Variants in MECOM observed in about 807,000 individuals in gnomAD.
The protein encoded by MECOM is histone-lysine N-methyltransferase MECOM.
In MECOM, 13 loss-of-function variants were observed where a neutral mutation model predicts 116.3. That is an observed-to-expected ratio of 0.11 (90% CI 0.07 to 0.18). The LOEUF is 0.18. Ranked by LOEUF, MECOM falls within the 10% of genes least tolerant of loss-of-function variation. MECOM has a pLI of 1.00. For synonymous variants in MECOM, 528 were observed against 535.2 expected (o/e 0.99, Z 0.19); for missense variants, 1,299 against 1,509.0 (o/e 0.86, Z 2.31).
At position 169,224,172 on chromosome 3, in the gene MECOM, T is replaced by G. The variant is rs529924982; in HGVS notation, c.376-80340A>C. Among the ~76,000 whole-genome samples, 24 of 152,148 alleles carry G rather than the reference T, an allele frequency of 1.6e-4. No homozygotes were observed. The South Asian group carries it at 4.8e-3, about 30-fold the overall frequency. ...AGAGAGAAAATAATCTGAGAGGAGA[T>G]AGAGAACGTCAGCTCCTGCTGGGCC... On this transcript the variant is annotated intron_variant, in intron 2 of 16. Coordinates refer to ENST00000651503, the MANE Select transcript of MECOM (RefSeq NM_004991.4).
At chr3:169,099,245 A>G (rs570106287) in intron 12 of MECOM, among the ~76,000 whole-genome samples, 7 of 152,316 alleles carry the variant, frequency 4.6e-5, no homozygotes, top group Admixed American at 1.3e-4. Flanking sequence ...GTGGAATAAA[A>G]CCATTGAAAT....
At chr3:169,457,634 TG>T (rs1746752832) in intron 1 of MECOM, among the ~76,000 whole-genome samples, 1 of 152,312 alleles carries the variant, frequency 6.6e-6, no homozygotes, top group African/African-American at 2.4e-5. Context: ...AGGATAAAAT[TG>T]AGACTATCAT....
chr3:169,138,163 G>A (rs1338035596), intron 3 of MECOM, among the ~76,000 whole-genome samples: 1 of 151,902 alleles, frequency 6.6e-6, no homozygotes, highest in Non-Finnish European at 1.5e-5. Context: ...ACTTTTATAT[G>A]CCCTCCCAGA....
At chr3:169,596,187 T>C (rs1391593073) in intron 1 of MECOM, among the ~76,000 whole-genome samples, 2 of 152,206 alleles carry the variant, frequency 1.3e-5, no homozygotes, top group African/African-American at 2.4e-5. Flanking sequence ...ATATTATACT[T>C]CCGAGAGATG....
chr3:169,398,620 C>T (rs1010027497), intron 1 of MECOM, among the ~76,000 whole-genome samples: 3 of 152,254 alleles, frequency 2.0e-5, no homozygotes, highest in South Asian at 2.1e-4. Context: ...CTCTGGAATG[C>T]GGCTTCCCTG....
chr3:169,093,538 A>G (rs1720487355), intron 13 of MECOM, among the ~76,000 whole-genome samples: 1 of 152,204 alleles, frequency 6.6e-6, no homozygotes, highest in South Asian at 2.1e-4. Flanking sequence ...ATGCTAAAGC[A>G]TATAACAAAA....
chr3:169,587,945 T>C (rs1765965551), intron 1 of MECOM, among the ~76,000 whole-genome samples: 1 of 152,186 alleles, frequency 6.6e-6, no homozygotes. Context: ...GATCCAGAAT[T>C]AGCCAGAAAT....
At chr3:169,098,556 G>A (rs985269469) in intron 12 of MECOM, among the ~76,000 whole-genome samples, 2 of 152,122 alleles carry the variant, frequency 1.3e-5, no homozygotes, top group Non-Finnish European at 2.9e-5. Flanking sequence ...ATTTGGATAA[G>A]GTAGTATCTG....
At chr3:169,476,415 T>G (rs968494814) in intron 1 of MECOM, among the ~76,000 whole-genome samples, 2 of 152,216 alleles carry the variant, frequency 1.3e-5, no homozygotes, top group Non-Finnish European at 2.9e-5. Flanking sequence ...CCATTACATT[T>G]TATTTGCAGA....
chr3:169,505,670 T>C (rs764891769), intron 1 of MECOM, among the ~76,000 whole-genome samples: 4 of 152,196 alleles, frequency 2.6e-5, no homozygotes, highest in Middle Eastern at 3.2e-3. Context: ...GTCCACTGGA[T>C]CTCCAGAACT....
chr3:169,655,353 ATCCATTCATTT>A (rs1775415141), intron 1 of MECOM, among the ~76,000 whole-genome samples: 1 of 152,212 alleles, frequency 6.6e-6, no homozygotes, highest in Non-Finnish European at 1.5e-5. Context: ...CTCTAGTCTA[ATCCATTCATTT>A]AAAGAGGAGC....
Position 169,084,731 on chromosome 3 carries a change from A to T in MECOM, c.*178T>A. On this transcript the variant is annotated 3_prime_UTR_variant, in exon 17 of 17. Transcript: ENST00000651503. ...TGTGCAAAACAAAATATCGAGAATA[A>T]ATAGTTTCTTTTTTCTTTCTTTTCT... The T allele has an allele frequency of 1.5e-6, 1 of 647,838 alleles. No homozygotes were observed. The highest frequency in any genetic ancestry group is 2.9e-5 in the East Asian group (1 of 33,932). 40.1% of individuals were successfully genotyped at this position (647,838 alleles called of 1,614,324 possible). A position where few individuals can be genotyped will look rare whatever the true frequency, so the allele number is the denominator to read the frequency against.
intron 2 of MECOM, among the ~76,000 whole-genome samples, chr3:169,368,925 G>A (rs1729625954): frequency 6.6e-6 from 1 of 151,984 alleles, no homozygotes. Context: ...CAATTTATAT[G>A]AGGTTTCCTA....
intron 1 of MECOM, among the ~76,000 whole-genome samples, chr3:169,402,179 A>C (rs765662352): frequency 2.0e-5 from 3 of 152,228 alleles, no homozygotes; most frequent in Non-Finnish European, 4.4e-5. Flanking sequence ...CAATGAGCTC[A>C]TATACTATGT....
intron 1 of MECOM, among the ~76,000 whole-genome samples, chr3:169,488,065 A>T (rs1012288481): frequency 6.6e-6 from 1 of 152,248 alleles, no homozygotes; most frequent in South Asian, 2.1e-4. Context: ...TGAAGCAAAA[A>T]TTGACAGCAT....
chr3:169,392,323 T>C (rs950653210), intron 1 of MECOM, among the ~76,000 whole-genome samples: 4 of 152,144 alleles, frequency 2.6e-5, no homozygotes, highest in Admixed American at 2.6e-4. Context: ...ACTTCACTAG[T>C]TTTGTGTGAA....
At chr3:169,537,792 AG>A (rs1346854104) in intron 1 of MECOM, among the ~76,000 whole-genome samples, 1 of 152,168 alleles carries the variant, frequency 6.6e-6, no homozygotes, top group Non-Finnish European at 1.5e-5. Context: ...TTAAAAACAA[AG>A]TAAAAAAATA....
chr3:169,594,825 T>C (rs1274092234), intron 1 of MECOM, among the ~76,000 whole-genome samples: 7 of 143,074 alleles, frequency 4.9e-5, no homozygotes, highest in Non-Finnish European at 9.0e-5. Context: ...GCAGGCCTAG[T>C]ATGGAACACA....
intron 2 of MECOM, among the ~76,000 whole-genome samples, chr3:169,336,092 C>T (rs1723550268): frequency 6.6e-6 from 1 of 152,012 alleles, no homozygotes; most frequent in Non-Finnish European, 1.5e-5. Context: ...TTTCTAATAT[C>T]ATTTTATATA....
Sources: allele counts gnomAD v4.1 joint callset (sites outside exome capture counted in the v4.1 genomes callset), GRCh38; gene constraint gnomAD v4.1.1; transcripts MANE v1.5; gene names NCBI Gene and HGNC (gene_info 2026-07-23, HGNC 2026-07-21).